The following CLSTN2 variants were observed in gnomAD, a reference collection of about 807,000 sequenced individuals.
The protein encoded by CLSTN2 is calsyntenin-2.
CLSTN2 carries 48 observed loss-of-function variants against 101.2 expected under a neutral mutation model. That is an observed-to-expected ratio of 0.47 (90% CI 0.38 to 0.60). The LOEUF (loss-of-function observed/expected upper bound fraction) is 0.60, where lower values mean the gene tolerates loss of function less well. Ranked by LOEUF, CLSTN2 falls within the 20% of genes least tolerant of loss-of-function variation. CLSTN2 has a pLI of 0.00. For missense variants in CLSTN2, 1,160 were observed against 1,238.2 expected (o/e 0.94, Z 0.95); for synonymous variants, 481 against 463.6 (o/e 1.04, Z -0.48).
chr3:140,396,044 AGAACCCTATAATCATCT>A (rs747742933), intron 2 of CLSTN2, among the ~76,000 whole-genome samples: 8 of 152,356 alleles, frequency 5.3e-5, no homozygotes, highest in Non-Finnish European at 1.0e-4. Flanking sequence ...GTTTCTCAAA[AGAACCCTATAATCATCT>A]GCAGTGAGAT....
At chr3:140,288,085 C>T (rs1030940497) in intron 2 of CLSTN2, among the ~76,000 whole-genome samples, 1 of 146,670 alleles carries the variant, frequency 6.8e-6, no homozygotes, top group East Asian at 2.1e-4. Context: ...ATAGATGACA[C>T]GTGGCCTTCA....
chr3:140,362,820 G>A (rs189360797), intron 2 of CLSTN2, among the ~76,000 whole-genome samples: 78 of 152,068 alleles, frequency 5.1e-4, no homozygotes, highest in African/African-American at 1.9e-3. Flanking sequence ...TTAAGAAGAC[G>A]ATAACAAGTA....
At chr3:140,059,921 A>G (rs1326967591) in intron 1 of CLSTN2, among the ~76,000 whole-genome samples, 1 of 152,196 alleles carries the variant, frequency 6.6e-6, no homozygotes, top group Non-Finnish European at 1.5e-5. Context: ...TGATGGAGTT[A>G]AGAATAACAT....
At chr3:140,369,653 C>G (rs17345834) in intron 2 of CLSTN2, among the ~76,000 whole-genome samples, 3 of 152,136 alleles carry the variant, frequency 2.0e-5, no homozygotes, top group Admixed American at 2.0e-4. Context: ...AAATATTAGC[C>G]GAGCCACTTT....
intron 6 of CLSTN2, among the ~76,000 whole-genome samples, chr3:140,449,036 T>C (rs542299101): frequency 5.9e-5 from 9 of 152,246 alleles, no homozygotes; most frequent in African/African-American, 2.2e-4. Context: ...GAAACACGAG[T>C]TCCTTTCTGC....
chr3:140,076,511 AT>A (rs1553796133), intron 1 of CLSTN2, among the ~76,000 whole-genome samples: 1 of 150,792 alleles, frequency 6.6e-6, no homozygotes, highest in Non-Finnish European at 1.5e-5. Context: ...TGGGATGTGA[AT>A]TTCATGTCAC....
intron 1 of CLSTN2, among the ~76,000 whole-genome samples, chr3:140,163,046 T>C (rs2010076176): frequency 6.6e-6 from 1 of 152,192 alleles, no homozygotes; most frequent in African/African-American, 2.4e-5. Flanking sequence ...AATACAGCAG[T>C]CTTAAAAACT....
chr3:140,228,638 A>C (rs1476673188), intron 2 of CLSTN2, among the ~76,000 whole-genome samples: 1 of 152,208 alleles, frequency 6.6e-6, no homozygotes, highest in African/African-American at 2.4e-5. Flanking sequence ...TATACCAGAG[A>C]CTGGGCAATT....
At chr3:140,255,506 G>A (rs188029502) in intron 2 of CLSTN2, among the ~76,000 whole-genome samples, 142 of 152,252 alleles carry the variant, frequency 9.3e-4, no homozygotes, top group African/African-American at 3.2e-3. Context: ...CATAGAAACA[G>A]AAAACCAAAT....
intron 2 of CLSTN2, among the ~76,000 whole-genome samples, chr3:140,195,551 A>T (rs1348869219): frequency 1.3e-5 from 2 of 152,038 alleles, no homozygotes; most frequent in South Asian, 2.1e-4. Context: ...ATGAGAAAAA[A>T]ATAGTTTTTA....
At chr3:140,450,570 G>A (rs1206820152) in intron 6 of CLSTN2, among the ~76,000 whole-genome samples, 1 of 152,162 alleles carries the variant, frequency 6.6e-6, no homozygotes, top group East Asian at 1.9e-4. Context: ...TACTCTTACA[G>A]TGGGCTTGTA....
intron 2 of CLSTN2, among the ~76,000 whole-genome samples, chr3:140,212,200 C>T (rs568592430): frequency 2.0e-5 from 3 of 152,254 alleles, no homozygotes; most frequent in East Asian, 1.9e-4. Context: ...CATTTACACT[C>T]GACTATCTGG....
Position 140,421,177 on chromosome 3 carries a change from G to T in CLSTN2, c.690G>T (p.Glu230Asp). Residue 230 changes from glutamate (E) to aspartate (D), a missense_variant, in exon 5 of 17, where the codon GAG becomes GAT. Physicochemically the swap from Glu to Asp is conservative, Grantham distance 45. Transcript: ENST00000458420. The part of the protein sequence containing the change: ...KLSYDKQHQY[E>D]ILVTAYDCGQ... ...GCTATGACAAACAACACCAGTATGAGATCCTGGTGACCGCCTACGACTGTG... is the reference window on the plus strand; with the variant it reads ...GCTATGACAAACAACACCAGTATGATATCCTGGTGACCGCCTACGACTGTG... 6.2e-7 allele frequency: 1 copy of T among 1,614,032 alleles called. No individual in the cohort carries two copies. Among genetic ancestry groups the T allele is most frequent in the Non-Finnish European group, 8.5e-7 (1 of 1,179,886 alleles).
At chr3:140,326,158 C>T (rs960087062) in intron 2 of CLSTN2, among the ~76,000 whole-genome samples, 16 of 152,198 alleles carry the variant, frequency 1.1e-4, no homozygotes, top group Non-Finnish European at 2.1e-4. Context: ...TGAAATGCCA[C>T]CATTATGGCT....
intron 1 of CLSTN2, among the ~76,000 whole-genome samples, chr3:140,033,931 G>A (rs565546223): frequency 2.6e-5 from 4 of 152,218 alleles, no homozygotes; most frequent in Non-Finnish European, 4.4e-5. Context: ...CTTAATATGC[G>A]GGAGAGAAAA....
At chr3:140,565,887 A>AG (rs746084536) in intron 16 of CLSTN2, among the ~76,000 whole-genome samples, 166 bp from the exon 17 acceptor site, 2 of 152,168 alleles carry the variant, frequency 1.3e-5, no homozygotes, top group Non-Finnish European at 2.9e-5. Flanking sequence ...TTTTTACCAG[A>AG]AGACTTCCCT....
At chr3:140,018,988 C>T (rs919429413) in intron 1 of CLSTN2, among the ~76,000 whole-genome samples, 8 of 152,300 alleles carry the variant, frequency 5.3e-5, no homozygotes, top group African/African-American at 1.4e-4. Flanking sequence ...GGCATCTCTT[C>T]CCATTGCTTC....
rs541567291 is a variant in CLSTN2, at chr3:140,479,959, T to TA, written c.1344+13228_1344+13229insA. 3.3e-5 allele frequency among the ~76,000 whole-genome samples: 5 copies of TA among 152,292 alleles called. No homozygotes were observed. The South Asian group carries it at 6.2e-4, about 19-fold the overall frequency. On this transcript the variant is annotated intron_variant, in intron 8 of 16. Transcript: ENST00000458420. ...GAAAATAAAGATAAACTCTTTTTTTTTTATTATTATACTTTAAGTTTTAGG... is the reference window on the plus strand; with the variant it reads ...GAAAATAAAGATAAACTCTTTTTTTTATTATTATTATACTTTAAGTTTTAGG...
At chr3:140,469,160 C>A (rs1419526908) in intron 8 of CLSTN2, among the ~76,000 whole-genome samples, 1 of 152,208 alleles carries the variant, frequency 6.6e-6, no homozygotes, top group Non-Finnish European at 1.5e-5. Flanking sequence ...TAATTACCTA[C>A]TCAAGGTCCT....
Sources: allele counts gnomAD v4.1 joint callset (sites outside exome capture counted in the v4.1 genomes callset), GRCh38; gene constraint gnomAD v4.1.1; transcripts MANE v1.5; gene names NCBI Gene and HGNC (gene_info 2026-07-23, HGNC 2026-07-21).